The following CPQ variants were observed in gnomAD, a reference collection of about 807,000 sequenced individuals.
CPQ encodes the protein carboxypeptidase Q.
CPQ carries 37 observed loss-of-function variants against 45.7 expected under a neutral mutation model. The ratio of observed to expected loss-of-function variants is 0.81; its 90% confidence interval spans 0.62 to 1.07. The LOEUF (loss-of-function observed/expected upper bound fraction) is 1.07, where lower values mean the gene tolerates loss of function less well. Among genes scored for constraint, CPQ ranks in the 50% least tolerant of loss-of-function variants. CPQ has a pLI of 0.00. For missense variants in CPQ, 537 were observed against 572.9 expected (o/e 0.94, Z 0.64); for synonymous variants, 186 against 205.8 (o/e 0.90, Z 0.82).
intron 7 of CPQ, among the ~76,000 whole-genome samples, chr8:97,082,259 C>G (rs1033024059): frequency 6.6e-6 from 1 of 152,184 alleles, no homozygotes; most frequent in African/African-American, 2.4e-5. Context: ...AACTTCCCCC[C>G]TTGGGGTAAA....
intron 1 of CPQ, among the ~76,000 whole-genome samples, chr8:96,772,336 G>T (rs886494591): frequency 1.3e-5 from 2 of 152,062 alleles, no homozygotes; most frequent in Non-Finnish European, 2.9e-5. Flanking sequence ...GTCCAAAATG[G>T]TCCCAGATGA....
intron 7 of CPQ, among the ~76,000 whole-genome samples, chr8:97,105,799 A>G (rs991133082): frequency 1.3e-5 from 2 of 152,232 alleles, no homozygotes; most frequent in Non-Finnish European, 2.9e-5. Flanking sequence ...AACAGCTTTT[A>G]AAAATATCAT....
chr8:96,766,636 A>T (rs1393865375), intron 1 of CPQ, among the ~76,000 whole-genome samples: 1 of 152,154 alleles, frequency 6.6e-6, no homozygotes, highest in Non-Finnish European at 1.5e-5. Flanking sequence ...GTTAGTAATG[A>T]AGTAGAGAGG....
chr8:96,688,025 C>G (rs893578577), intron 1 of CPQ, among the ~76,000 whole-genome samples: 5 of 151,774 alleles, frequency 3.3e-5, no homozygotes, highest in Admixed American at 2.0e-4. Flanking sequence ...TCTGTCATGT[C>G]CTGAGAGAAA....
chr8:96,838,918 A>G (rs1326379253), intron 3 of CPQ, among the ~76,000 whole-genome samples: 1 of 152,074 alleles, frequency 6.6e-6, no homozygotes, highest in African/African-American at 2.4e-5. Flanking sequence ...GATGCCCAAT[A>G]TGCCAGATTA....
At chr8:96,732,484 C>T (rs754308309) in intron 1 of CPQ, 1 of 152,104 alleles carries the variant, frequency 6.6e-6, no homozygotes, top group Non-Finnish European at 1.5e-5. Context: ...ATCTTATTCA[C>T]ATATTATTAT....
chr8:97,040,791 T>G (rs1440640398), intron 6 of CPQ, among the ~76,000 whole-genome samples: 1 of 152,234 alleles, frequency 6.6e-6, no homozygotes, highest in Non-Finnish European at 1.5e-5. Flanking sequence ...ATCAGATAGT[T>G]GAAGATACGT....
chr8:96,936,395 G>A (rs1813050616), intron 4 of CPQ, among the ~76,000 whole-genome samples: 3 of 152,128 alleles, frequency 2.0e-5, no homozygotes. Context: ...GTTTAAAAAA[G>A]CAACATCAAA....
intron 7 of CPQ, among the ~76,000 whole-genome samples, chr8:97,088,791 A>C (rs1811079771): frequency 6.6e-6 from 1 of 152,172 alleles, no homozygotes. Flanking sequence ...TTTTTCATCA[A>C]ACTTGATTAA....
intron 4 of CPQ, among the ~76,000 whole-genome samples, chr8:96,915,992 T>A (rs1237134379): frequency 6.6e-6 from 1 of 152,186 alleles, no homozygotes; most frequent in Non-Finnish European, 1.5e-5. Flanking sequence ...ATTTGAGCTT[T>A]GAGTAGAATC....
intron 6 of CPQ, among the ~76,000 whole-genome samples, chr8:97,030,327 G>C (rs1485954628): frequency 6.6e-6 from 1 of 152,118 alleles, no homozygotes; most frequent in Non-Finnish European, 1.5e-5. Flanking sequence ...ATCCAAATCG[G>C]AGAAGGGTTT....
At chr8:96,681,770 C>A (rs1809155795) in intron 1 of CPQ, among the ~76,000 whole-genome samples, 1 of 152,158 alleles carries the variant, frequency 6.6e-6, no homozygotes, top group African/African-American at 2.4e-5. Flanking sequence ...GGGGCTATAC[C>A]CTGCAAAGCC....
chr8:97,026,714 C>A (rs1213766858), intron 5 of CPQ, among the ~76,000 whole-genome samples: 2 of 152,146 alleles, frequency 1.3e-5, no homozygotes, highest in Non-Finnish European at 2.9e-5. Context: ...CTTTTTAGGG[C>A]CAGCTGTGCA....
At chr8:96,892,111 A>G (rs903353751) in intron 4 of CPQ, among the ~76,000 whole-genome samples, 2 of 152,244 alleles carry the variant, frequency 1.3e-5, no homozygotes, top group Non-Finnish European at 2.9e-5. Context: ...ATCCTGTAAA[A>G]TAACCCAAAG....
At chr8:96,836,955 G>A (rs1012195955) in intron 3 of CPQ, among the ~76,000 whole-genome samples, 1 of 152,000 alleles carries the variant, frequency 6.6e-6, no homozygotes, top group Non-Finnish European at 1.5e-5. Flanking sequence ...TATTTCACTG[G>A]ACTCTTAACT....
At chr8:96,833,488 C>A (rs932634110) in intron 2 of CPQ, among the ~76,000 whole-genome samples, 7 of 152,120 alleles carry the variant, frequency 4.6e-5, no homozygotes, top group Non-Finnish European at 7.3e-5. Flanking sequence ...GACTATCGAA[C>A]CTGTTATTCA....
chr8:97,021,530 C>T (rs772907859), intron 5 of CPQ, among the ~76,000 whole-genome samples: 5 of 152,086 alleles, frequency 3.3e-5, no homozygotes, highest in Non-Finnish European at 5.9e-5. Flanking sequence ...ACAAAATTAA[C>T]GTACAGAAAT....
At chr8:96,957,965 C>A (rs1449680675) in intron 4 of CPQ, among the ~76,000 whole-genome samples, 6 of 151,596 alleles carry the variant, frequency 4.0e-5, no homozygotes, top group Admixed American at 6.6e-5. Context: ...ACCTTCCCCT[C>A]TCCAGTAGCT....
chr8:96,870,551 G>A (rs1812053856), intron 3 of CPQ, among the ~76,000 whole-genome samples: 1 of 151,986 alleles, frequency 6.6e-6, no homozygotes. Context: ...CAGATTGCCA[G>A]GGTTCAGTTC....
Sources: allele counts gnomAD v4.1 joint callset (sites outside exome capture counted in the v4.1 genomes callset), GRCh38; gene constraint gnomAD v4.1.1; transcripts MANE v1.5; gene names NCBI Gene and HGNC (gene_info 2026-07-23, HGNC 2026-07-21).